Variants in HPCAL1 observed in about 807,000 individuals in gnomAD.
HPCAL1 encodes hippocalcin like 1.
In HPCAL1, 8 loss-of-function variants were observed where a neutral mutation model predicts 17.1. The observed-to-expected ratio is 0.47, with a 90% CI of 0.27 to 0.84. The LOEUF is 0.84. Among genes scored for constraint, HPCAL1 ranks in the 40% least tolerant of loss-of-function variants. HPCAL1 has a pLI of 0.13. For synonymous variants in HPCAL1, 112 were observed against 111.4 expected, an observed-to-expected ratio of 1.01 and a Z score of -0.03; for missense variants, 165 against 271.1, an observed-to-expected ratio of 0.61 and a Z score of 2.75.
Position 10,359,219 on chromosome 2 carries a change from C to T in HPCAL1, c.-110-37616C>T, listed in dbSNP as rs559060870. Among the ~76,000 whole-genome samples, 91 of 152,304 alleles carry T rather than the reference C, an allele frequency of 6.0e-4. No individual in the cohort carries two copies. The highest frequency in any genetic ancestry group is 2.1e-3 in the African/African-American group (88 of 41,574). ...TGTTTTCTGAAATTCCTGGTGGCCACTCCCTTGGTGTCCATGGGTGTCTGG... is the reference window on the plus strand; with the variant it reads ...TGTTTTCTGAAATTCCTGGTGGCCATTCCCTTGGTGTCCATGGGTGTCTGG... On this transcript the variant is annotated intron_variant, in intron 1 of 4. Transcript: ENST00000307845. This position sits in a 1 kb window ranked among gnomAD's most constrained non-coding sequence, Gnocchi z 4.1.
chr2:10,367,965 T>C lies in HPCAL1; in HGVS notation c.-110-28870T>C, dbSNP rs1218483728. The stretch of plus-strand genomic sequence containing the variant: ...GTGTGCATATGTGTATATAGGTGTG[T>C]GCATGTGTGTATATACCTGTGTAGG... On this transcript the variant is annotated intron_variant, in intron 1 of 4. Coordinates refer to ENST00000307845, the MANE Select transcript of HPCAL1 (RefSeq NM_002149.4). The surrounding 1 kb of genome is among the most constrained non-coding windows in gnomAD (Gnocchi z 4.4). 6.6e-6 allele frequency among the ~76,000 whole-genome samples: 1 copy of C among 151,976 alleles called. No homozygotes were observed. Among genetic ancestry groups the C allele is most frequent in the East Asian group, 1.9e-4 (1 of 5,172 alleles).
chr2:10,399,161 C>T (rs1347215595), intron 2 of HPCAL1, among the ~76,000 whole-genome samples: 2 of 151,132 alleles, frequency 1.3e-5, no homozygotes, highest in East Asian at 3.9e-4. Context: ...ATTCCCATCC[C>T]CAGACCCCTG....
rs6739971 is a variant in HPCAL1, at chr2:10,304,534, C to T, written c.-111+1357C>T. Among the ~76,000 whole-genome samples the T allele has an allele frequency of 9.5e-3, 1,443 of 152,282 alleles. 20 individuals are homozygous for T. Among genetic ancestry groups the T allele is most frequent in the African/African-American group, 0.033 (1,379 of 41,552 alleles). ...TGCTCCCTTGCAGCCAGCCTCATGC[C>T]GGGGGTGCCACATGGGACACCTCCT... is the stretch of plus-strand genomic sequence containing the variant. On this transcript the variant is annotated intron_variant, in intron 1 of 4. Transcript: ENST00000307845. The surrounding 1 kb of genome is among the most constrained non-coding windows in gnomAD (Gnocchi z 4.1).
Position 10,323,846 on chromosome 2 carries a change from C to T in HPCAL1, c.-111+20669C>T, listed in dbSNP as rs1008805569. ...AAAATCTGCGTCTTGTCGGAACTTC[C>T]ATATACACTTCCACTGGCTACTTCA... On this transcript the variant is annotated intron_variant, in intron 1 of 4. Transcript: ENST00000307845. The surrounding 1 kb of genome is among the most constrained non-coding windows in gnomAD (Gnocchi z 4.6). Among the ~76,000 whole-genome samples, 9 of 152,214 alleles carry T rather than the reference C, an allele frequency of 5.9e-5. No individual in the cohort carries two copies. The highest frequency in any genetic ancestry group is 8.8e-5 in the Non-Finnish European group (6 of 68,036).
In HPCAL1 at chr2:10,367,331, C is replaced by T. The variant is rs1666912241; in HGVS notation, c.-110-29504C>T. 6.6e-6 allele frequency among the ~76,000 whole-genome samples: 1 copy of T among 151,814 alleles called. No homozygotes were observed. The highest frequency in any genetic ancestry group is 6.6e-5 in the Admixed American group (1 of 15,224). On this transcript the variant is annotated intron_variant, in intron 1 of 4. Transcript: ENST00000307845. The surrounding 1 kb of genome is among the most constrained non-coding windows in gnomAD (Gnocchi z 4.4). The stretch of plus-strand genomic sequence containing the variant: ...TGAGACAGAGTCTTGCTCTGTCACC[C>T]AGGCTAGAGTGCGAGCTCGATCATA...
intron 1 of HPCAL1, among the ~76,000 whole-genome samples, chr2:10,380,058 A>G (rs979374574): frequency 6.6e-6 from 1 of 151,256 alleles, no homozygotes; most frequent in Non-Finnish European, 1.5e-5. Context: ...CACTTCAGAA[A>G]AGCTCTGCAC....
chr2:10,416,889 G>T (rs1236565072), intron 2 of HPCAL1, among the ~76,000 whole-genome samples: 2 of 152,030 alleles, frequency 1.3e-5, no homozygotes, highest in East Asian at 1.9e-4. Flanking sequence ...GGGGTGCAGG[G>T]GTCCCCTATC....
At position 10,327,775 on chromosome 2, in the gene HPCAL1, CAG is replaced by C. The variant is rs368877517; in HGVS notation, c.-111+24603_-111+24604del. On this transcript the variant is annotated intron_variant, in intron 1 of 4. Transcript: ENST00000307845. ...GGCCAAGAGCCTTGGCTTATTCCAG[CAG>C]AGAGTGGAGTTATTTAGAGCCAAAC... 3.9e-5 allele frequency among the ~76,000 whole-genome samples: 6 copies of C among 152,242 alleles called. No individual in the cohort carries two copies. The East Asian group carries it at 5.8e-4, about 15-fold the overall frequency.
chr2:10,351,995 T>G (rs1665874454), intron 1 of HPCAL1, among the ~76,000 whole-genome samples: 1 of 150,720 alleles, frequency 6.6e-6, no homozygotes, highest in African/African-American at 2.4e-5. Flanking sequence ...CTCCACCTCC[T>G]GGGTTCAAGA....
intron 1 of HPCAL1, among the ~76,000 whole-genome samples, chr2:10,312,443 A>T (rs2125386243): frequency 6.6e-6 from 1 of 150,498 alleles, no homozygotes; most frequent in South Asian, 2.1e-4. Flanking sequence ...CACTATCATC[A>T]TTATCACCAT....
intron 3 of HPCAL1, among the ~76,000 whole-genome samples, chr2:10,422,737 G>A (rs760828958): frequency 6.6e-6 from 1 of 152,192 alleles, no homozygotes; most frequent in Non-Finnish European, 1.5e-5. Context: ...CCCACCCCCA[G>A]GCAGAGATAC....
chr2:10,399,498 A>C, intron 2 of HPCAL1, among the ~76,000 whole-genome samples: 1 of 128,854 alleles, frequency 7.8e-6, no homozygotes, highest in East Asian at 2.3e-4. Context: ...CGCCACCATC[A>C]CCATCACCAC....
At chr2:10,366,914 T>C (rs1180696065) in intron 1 of HPCAL1, among the ~76,000 whole-genome samples, 4 of 152,074 alleles carry the variant, frequency 2.6e-5, no homozygotes, top group Non-Finnish European at 4.4e-5. Context: ...ACAGTGACCT[T>C]GTTTGAGGAG....
chr2:10,360,989 G>C (rs1162927710), intron 1 of HPCAL1, among the ~76,000 whole-genome samples: 2 of 150,496 alleles, frequency 1.3e-5, no homozygotes, highest in African/African-American at 4.9e-5. Flanking sequence ...GGTGTCTGGC[G>C]TGTGCCTTGC....
In HPCAL1 at chr2:10,419,697, C is replaced by G. The variant is rs540260385; in HGVS notation, c.-24-37C>G. On this transcript the variant is annotated intron_variant, in intron 2 of 4. Transcript: ENST00000307845. The surrounding 1 kb of genome is among the most constrained non-coding windows in gnomAD (Gnocchi z 5.0). The stretch of plus-strand genomic sequence containing the variant: ...ACATGGCTCAGCCCTGCTCCGTGGC[C>G]GTGGGTGGCGTCCCCGGCTGACCCC... 9.6e-6 allele frequency: 15 copies of G among 1,559,340 alleles called. No individual in the cohort carries two copies. In the East Asian group the frequency reaches 3.4e-4, roughly 35 times the overall value.
rs562508236 is a variant in HPCAL1, at chr2:10,387,360, T to A, written c.-110-9475T>A. On this transcript the variant is annotated intron_variant, in intron 1 of 4. Coordinates refer to ENST00000307845, the MANE Select transcript of HPCAL1 (RefSeq NM_002149.4). Reference sequence around the variant, plus strand: ...GGCCGAGGGCCATGCGGTGACGCACTGGGGACTGGCTCTAGCTGCTGTGGG... The same window carrying A: ...GGCCGAGGGCCATGCGGTGACGCACAGGGGACTGGCTCTAGCTGCTGTGGG... 5.3e-5 allele frequency among the ~76,000 whole-genome samples: 8 copies of A among 152,332 alleles called. No individual in the cohort carries two copies. In the East Asian group the frequency reaches 1.4e-3, roughly 26 times the overall value.
chr2:10,390,779 C>G (rs1482023393), intron 1 of HPCAL1, among the ~76,000 whole-genome samples: 2 of 152,108 alleles, frequency 1.3e-5, no homozygotes, highest in Non-Finnish European at 2.9e-5. Flanking sequence ...CACCCCCCGG[C>G]CTGGGACTGG....
chr2:10,318,111 C>T (rs1480657723), intron 1 of HPCAL1, among the ~76,000 whole-genome samples: 3 of 152,156 alleles, frequency 2.0e-5, no homozygotes, highest in Non-Finnish European at 4.4e-5. Context: ...TTGGGTCTCT[C>T]CCCATTTCTA....
chr2:10,319,142 G>A (rs181488063), intron 1 of HPCAL1, among the ~76,000 whole-genome samples: 137 of 152,318 alleles, frequency 9.0e-4, no homozygotes, highest in African/African-American at 3.2e-3. Context: ...GCCCCAGCAC[G>A]GGAGTGTCTG....
Sources: allele counts gnomAD v4.1 joint callset (sites outside exome capture counted in the v4.1 genomes callset), GRCh38; gene constraint gnomAD v4.1.1; non-coding constraint Gnocchi (gnomAD v3.1); transcripts MANE v1.5; gene names NCBI Gene and HGNC (gene_info 2026-07-23, HGNC 2026-07-21).